Variants in DIPK1B observed in about 807,000 individuals in gnomAD.
DIPK1B encodes the protein family with sequence similarity 69 member B.
A neutral mutation model predicts 20.7 loss-of-function variants in DIPK1B; 17 were observed. The observed-to-expected ratio is 0.82, with a 90% confidence interval of 0.56 to 1.23. DIPK1B has a LOEUF of 1.23. DIPK1B is among the 50% of genes most tolerant of loss of function. DIPK1B has a pLI of 0.00. For synonymous variants in DIPK1B, 343 were observed against 276.5 expected, an observed-to-expected ratio of 1.24 and a Z score of -2.39; for missense variants, 648 against 601.8, an observed-to-expected ratio of 1.08 and a Z score of -0.80.
chr9:136,712,801 C>T lies in DIPK1B; in HGVS notation c.63+73C>T, dbSNP rs1846445198. On this transcript the variant is annotated intron_variant, in intron 1 of 4. Coordinates refer to ENST00000371692, the MANE Select transcript of DIPK1B (RefSeq NM_152421.4). The surrounding 1 kb of genome is among the most constrained non-coding windows in gnomAD (Gnocchi z 5.6). ...GGCCGAGCTCCAGCCCCGGAGTGGG[C>T]CGAGTACGGAGCGGGGCCCCGGGTT... 3.6e-6 allele frequency: 4 copies of T among 1,111,574 alleles called. No homozygotes were observed. The highest frequency in any genetic ancestry group is 3.3e-5 in the African/African-American group (2 of 60,840). 68.9% of individuals were successfully genotyped at this position (1,111,574 alleles called of 1,614,324 possible).
At chr9:136,713,345 T>C (rs1290079933) in intron 1 of DIPK1B, among the ~76,000 whole-genome samples, 1 of 152,060 alleles carries the variant, frequency 6.6e-6, no homozygotes, top group Non-Finnish European at 1.5e-5. Context: ...TGGGATGCCC[T>C]CCCAGACCCT....
intron 1 of DIPK1B, among the ~76,000 whole-genome samples, chr9:136,716,775 C>T (rs1405979835): frequency 6.6e-6 from 1 of 152,142 alleles, no homozygotes; most frequent in Non-Finnish European, 1.5e-5. Flanking sequence ...ACCTGGTTCT[C>T]CTTGTGGGTC....
chr9:136,723,772 T>C lies in DIPK1B; in HGVS notation c.1294T>C (p.Ter432ArgextTer30). 2 of 1,534,054 alleles carry C rather than the reference T, an allele frequency of 1.3e-6. No individual in the cohort carries two copies. Among genetic ancestry groups the C allele is most frequent in the Non-Finnish European group, 8.7e-7 (1 of 1,146,620 alleles). ...GAAGATCTCCAACACCAAGTACTCT[T>C]GATGGGGCAGTGAGGGGCCTGGCCA... ...WKKISNTKYS[*>R] The change falls in exon 5 of 5, where the codon TGA becomes CGA. Residue 432 changes from the stop codon to arginine, a stop_lost. Transcript: ENST00000371692.
chr9:136,716,264 CTTTTTTTTTTTTT>C (rs71385760), intron 1 of DIPK1B, among the ~76,000 whole-genome samples: 26 of 121,270 alleles, frequency 2.1e-4, no homozygotes, highest in Non-Finnish European at 3.8e-4. Context: ...GAGTCTGTGT[CTTTTTTTTTTTTT>C]TTTTTTTTTG....
Position 136,718,182 on chromosome 9 carries a change from A to C in DIPK1B, c.198+471A>C, listed in dbSNP as rs12554720. Among the ~76,000 whole-genome samples, 261 of 143,610 alleles carry C rather than the reference A, an allele frequency of 1.8e-3. 9 individuals are homozygous for C. Among genetic ancestry groups the C allele is most frequent in the Admixed American group, 0.017 (246 of 14,450 alleles). 94.2% of individuals were successfully genotyped at this position (143,610 alleles called of 152,430 possible). A position where few individuals can be genotyped will look rare whatever the true frequency, so the allele number is the denominator to read the frequency against. On this transcript the variant is annotated intron_variant, in intron 2 of 4. Coordinates refer to ENST00000371692, the MANE Select transcript of DIPK1B (RefSeq NM_152421.4). The stretch of plus-strand genomic sequence containing the variant: ...GCCTCACTGGCCTGGGATAGAGACC[A>C]CCGTGTGCTGGCCTCACTGGTCCAG...
At chr9:136,722,750 T>C in intron 4 of DIPK1B, 1 of 619,970 alleles carries the variant, frequency 1.6e-6, no homozygotes. Context: ...GCGGGAGGTC[T>C]GTCTGGCAGC....
intron 1 of DIPK1B, among the ~76,000 whole-genome samples, chr9:136,715,953 G>A (rs1216294813): frequency 3.3e-5 from 5 of 152,096 alleles, no homozygotes; most frequent in South Asian, 2.1e-4. Context: ...TGCATCAAAC[G>A]CACACTCCCA....
At position 136,724,037 on chromosome 9, in the gene DIPK1B, A is replaced by T; in HGVS notation, c.*263A>T. 1 of 492,852 alleles carries T rather than the reference A, an allele frequency of 2.0e-6. No individual in the cohort carries two copies. The highest frequency in any genetic ancestry group is 3.7e-6 in the Non-Finnish European group (1 of 270,272). The allele number at this position is 492,852 out of a possible 1,614,324, so 30.5% of individuals were successfully genotyped here. A position where few individuals can be genotyped will look rare whatever the true frequency, so the allele number is the denominator to read the frequency against. On this transcript the variant is annotated 3_prime_UTR_variant, in exon 5 of 5. Coordinates refer to ENST00000371692, the MANE Select transcript of DIPK1B (RefSeq NM_152421.4). ...AATGTCAATAAACAGCTTTTATGTA[A>T]TGCCCAGGGCTGAGCACCCTGAGCC...
chr9:136,712,749 C>G lies in DIPK1B; in HGVS notation c.63+21C>G. 7.6e-7 allele frequency: 1 copy of G among 1,320,024 alleles called. No individual in the cohort carries two copies. Among genetic ancestry groups the G allele is most frequent in the Non-Finnish European group, 9.6e-7 (1 of 1,038,178 alleles). 81.8% of individuals were successfully genotyped at this position (1,320,024 alleles called of 1,614,324 possible). On this transcript the variant is annotated intron_variant, in intron 1 of 4. Coordinates refer to ENST00000371692, the MANE Select transcript of DIPK1B (RefSeq NM_152421.4). The surrounding 1 kb of genome is among the most constrained non-coding windows in gnomAD (Gnocchi z 5.6). ...TGCAGGTAAGCGCGGTGCGCGCCCGCCGCCCCCGGCCGCCTCTGCCTGGGG... is the reference window on the plus strand; with the variant it reads ...TGCAGGTAAGCGCGGTGCGCGCCCGGCGCCCCCGGCCGCCTCTGCCTGGGG...
rs1267747548 is a variant in DIPK1B, at chr9:136,721,902, C to A, written c.199-19C>A. On this transcript the variant is annotated intron_variant, in intron 2 of 4. Transcript: ENST00000371692. ...GGGTGTGGCTGCCCCGCCCGGCACG[C>A]CTGCACCTGTCTCCTCAGTGTGACC... 1.2e-5 allele frequency: 19 copies of A among 1,610,404 alleles called. No homozygotes were observed. Among genetic ancestry groups the A allele is most frequent in the Non-Finnish European group, 1.6e-5 (19 of 1,178,808 alleles).
At chr9:136,719,952 CTG>C (rs1332904169) in intron 2 of DIPK1B, among the ~76,000 whole-genome samples, 1 of 48,182 alleles carries the variant, frequency 2.1e-5, no homozygotes, top group Non-Finnish European at 5.7e-5. Flanking sequence ...GTGCAGGGGG[CTG>C]TGTGGGCTGG....
intron 4 of DIPK1B, 181 bp from the exon 5 acceptor site, chr9:136,722,781 T>C (rs987603250): frequency 2.5e-5 from 16 of 636,318 alleles, no homozygotes; most frequent in East Asian, 5.5e-5. Flanking sequence ...GCCAGCAGAG[T>C]GAGCTGACAC....
intron 2 of DIPK1B, among the ~76,000 whole-genome samples, chr9:136,720,387 T>C (rs1255608329): frequency 6.6e-6 from 1 of 151,580 alleles, no homozygotes; most frequent in Admixed American, 6.6e-5. Context: ...GAGGGCGGGG[T>C]GTTCCGCAGC....
chr9:136,717,403 T>C (rs1046279517), intron 1 of DIPK1B, among the ~76,000 whole-genome samples, 174 bp from the exon 2 acceptor site: 14 of 149,924 alleles, frequency 9.3e-5, no homozygotes, highest in African/African-American at 3.2e-4. Flanking sequence ...GAGCCAGGAG[T>C]GGGTGTCGCT....
chr9:136,716,305 C>T (rs1271133340), intron 1 of DIPK1B, among the ~76,000 whole-genome samples: 1 of 127,210 alleles, frequency 7.9e-6, no homozygotes, highest in African/African-American at 3.0e-5. Context: ...GTCTCGCTTT[C>T]TCACCCAGGC....
chr9:136,720,092 CTG>C (rs1276436068), intron 2 of DIPK1B, among the ~76,000 whole-genome samples: 2 of 150,862 alleles, frequency 1.3e-5, no homozygotes, highest in Non-Finnish European at 3.0e-5. Context: ...GGTGCAGGGG[CTG>C]TGTGGTCTGG....
chr9:136,722,410 G>C lies in DIPK1B; in HGVS notation c.483+109G>C, dbSNP rs11145847. 3.0e-3 allele frequency: 3,831 copies of C among 1,261,562 alleles called. 97 individuals are homozygous for C. In the African/African-American group the frequency reaches 0.05, roughly 16 times the overall value. The allele number at this position is 1,261,562 out of a possible 1,614,324, so 78.1% of individuals were successfully genotyped here. A position where few individuals can be genotyped will look rare whatever the true frequency, so the allele number is the denominator to read the frequency against. On this transcript the variant is annotated intron_variant, in intron 4 of 4. Coordinates refer to ENST00000371692, the MANE Select transcript of DIPK1B (RefSeq NM_152421.4). ...AGCGCAAAGGCACAGATGGGCCCAA[G>C]TGGACCCTGGGCAGACCTCCCATCC...
At chr9:136,719,279 AGGGTGCCCT>A (rs1327066433) in intron 2 of DIPK1B, among the ~76,000 whole-genome samples, 2 of 152,102 alleles carry the variant, frequency 1.3e-5, no homozygotes, top group Non-Finnish European at 2.9e-5. Flanking sequence ...TCGGTTTCCC[AGGGTGCCCT>A]GGCCCTTTGC....
chr9:136,713,893 G>A (rs958350343), intron 1 of DIPK1B, among the ~76,000 whole-genome samples: 7 of 152,320 alleles, frequency 4.6e-5, no homozygotes, highest in East Asian at 1.9e-4. Flanking sequence ...CCTGGCCCAC[G>A]GTCTGAGCCT....
Sources: gnomAD v4.1 joint callset for allele counts (sites outside exome capture counted in the v4.1 genomes callset) on GRCh38, gnomAD v4.1.1 for gene constraint, Gnocchi (gnomAD v3.1) non-coding constraint, MANE v1.5 for transcripts, NCBI Gene and HGNC (gene_info 2026-07-23, HGNC 2026-07-21) for gene names.